Variants in DCDC2C observed in about 807,000 individuals in gnomAD.
DCDC2C encodes doublecortin domain-containing protein 2C.
A neutral mutation model predicts 45.0 loss-of-function variants in DCDC2C; 44 were observed. The observed-to-expected ratio is 0.98, with a 90% CI of 0.77 to 1.26. DCDC2C has a LOEUF of 1.26. Among genes scored for constraint, DCDC2C ranks in the 50% most tolerant of loss-of-function variants. The pLI is 0.00. For synonymous variants in DCDC2C, 187 were observed against 178.8 expected, an observed-to-expected ratio of 1.05 and a Z score of -0.37; for missense variants, 447 against 468.9, an observed-to-expected ratio of 0.95 and a Z score of 0.43.
intron 10 of DCDC2C, among the ~76,000 whole-genome samples, chr2:3,823,984 T>C (rs1671754250): frequency 6.6e-6 from 1 of 152,210 alleles, no homozygotes; most frequent in Non-Finnish European, 1.5e-5. Flanking sequence ...GAAACAGTCA[T>C]AGACAATAAG....
At chr2:3,783,747 G>A (rs369279867) in intron 9 of DCDC2C, among the ~76,000 whole-genome samples, 17 of 152,240 alleles carry the variant, frequency 1.1e-4, no homozygotes, top group African/African-American at 4.1e-4. Flanking sequence ...GTGTGGCCAA[G>A]CAGGAGCTGA....
At chr2:3,748,218 A>G (rs1317360624) in intron 4 of DCDC2C, among the ~76,000 whole-genome samples, 2 of 152,090 alleles carry the variant, frequency 1.3e-5, no homozygotes, top group African/African-American at 2.4e-5. Context: ...GGGGTGGGAT[A>G]GGAGACTTGT....
chr2:3,731,936 G>A (rs993063704), intron 3 of DCDC2C, among the ~76,000 whole-genome samples: 1 of 152,184 alleles, frequency 6.6e-6, no homozygotes, highest in Admixed American at 6.5e-5. Context: ...ATATGTATGA[G>A]TATGATGAGG....
At chr2:3,778,299 A>G (rs1333937628) in intron 8 of DCDC2C, among the ~76,000 whole-genome samples, 1 of 152,214 alleles carries the variant, frequency 6.6e-6, no homozygotes, top group African/African-American at 2.4e-5. Flanking sequence ...TTGGTCCTGG[A>G]GAGTCTTTTC....
chr2:3,767,432 A>G (rs1026323490), intron 6 of DCDC2C, among the ~76,000 whole-genome samples: 2 of 152,140 alleles, frequency 1.3e-5, no homozygotes, highest in Admixed American at 6.5e-5. Context: ...GCCTCCTTTG[A>G]CTTGCTTGTT....
chr2:3,756,281 T>C lies in DCDC2C; in HGVS notation c.726+1647T>C, dbSNP rs142021002. 2.6e-5 allele frequency among the ~76,000 whole-genome samples: 4 copies of C among 152,290 alleles called. No individual in the cohort carries two copies. The East Asian group carries it at 7.7e-4, about 29-fold the overall frequency. On this transcript the variant is annotated intron_variant, in intron 6 of 10. Transcript: ENST00000399143. ...CAAATACTGCCTTTTAGTGGTTCTA[T>C]TGACATTAATATTTATTTGACAAAG...
chr2:3,795,282 G>A (rs943658468), intron 10 of DCDC2C, among the ~76,000 whole-genome samples: 22 of 151,192 alleles, frequency 1.5e-4, no homozygotes, highest in African/African-American at 5.3e-4. Flanking sequence ...TGTCAGATGA[G>A]GAGGTTGCGA....
At chr2:3,754,500 T>G in intron 5 of DCDC2C, 92 bp from the exon 6 acceptor site, 2 of 1,307,206 alleles carry the variant, frequency 1.5e-6, no homozygotes, top group Non-Finnish European at 2.1e-6. Context: ...CGTGGTCACT[T>G]CCCTCCTAAA....
intron 6 of DCDC2C, among the ~76,000 whole-genome samples, chr2:3,760,710 G>A (rs1379310265): frequency 2.0e-5 from 3 of 152,088 alleles, no homozygotes; most frequent in African/African-American, 7.2e-5. Context: ...GAGAGCGTTA[G>A]AACAAATACC....
At chr2:3,759,891 T>C (rs1669831498) in intron 6 of DCDC2C, among the ~76,000 whole-genome samples, 1 of 152,224 alleles carries the variant, frequency 6.6e-6, no homozygotes, top group Admixed American at 6.5e-5. Context: ...ATCTCATTTA[T>C]GTGTGATGAC....
In DCDC2C at chr2:3,746,059, C is replaced by T. The variant is rs530372848; in HGVS notation, c.545+4011C>T. 3.0e-4 allele frequency among the ~76,000 whole-genome samples: 46 copies of T among 152,150 alleles called. No individual in the cohort carries two copies. The East Asian group carries it at 4.3e-3, about 14-fold the overall frequency. On this transcript the variant is annotated intron_variant, in intron 4 of 10. Coordinates refer to ENST00000399143, the MANE Select transcript of DCDC2C (RefSeq NM_001287444.2). ...CTCTGTGCAAGACAATTGCTGATCT[C>T]GGTTGGAAAAAGGCGCTCGTAGAGG...
intron 10 of DCDC2C, among the ~76,000 whole-genome samples, chr2:3,823,587 C>G (rs1341386402): frequency 6.6e-6 from 1 of 152,144 alleles, no homozygotes; most frequent in African/African-American, 2.4e-5. Context: ...TTTCTTTTCT[C>G]AACTCAGTCA....
chr2:3,770,867 G>A (rs79348897), intron 8 of DCDC2C, among the ~76,000 whole-genome samples: 15,409 of 152,206 alleles, frequency 0.1, 1,061 homozygotes, highest in East Asian at 0.3. Flanking sequence ...CGGTTATCCC[G>A]CACTAATGTG....
chr2:3,789,864 T>C (rs1265604439), intron 10 of DCDC2C, among the ~76,000 whole-genome samples: 6 of 152,224 alleles, frequency 3.9e-5, no homozygotes, highest in Non-Finnish European at 1.5e-5. Flanking sequence ...GGAATCATAA[T>C]GACAAGAACA....
At chr2:3,728,469 G>A (rs1295651195) in intron 3 of DCDC2C, among the ~76,000 whole-genome samples, 1 of 152,150 alleles carries the variant, frequency 6.6e-6, no homozygotes, top group Non-Finnish European at 1.5e-5. Flanking sequence ...GGTCCTTCTT[G>A]ACAAAAACGC....
chr2:3,813,485 CT>C (rs1671472636), intron 10 of DCDC2C, among the ~76,000 whole-genome samples: 1 of 152,050 alleles, frequency 6.6e-6, no homozygotes, highest in African/African-American at 2.4e-5. Flanking sequence ...TCTCGTTGAT[CT>C]GTTTAATACT....
At chr2:3,750,080 C>T (rs1374188254) in intron 4 of DCDC2C, among the ~76,000 whole-genome samples, 2 of 151,792 alleles carry the variant, frequency 1.3e-5, no homozygotes, top group African/African-American at 4.8e-5. Flanking sequence ...GCTCGGCACC[C>T]AGAATCCCCG....
In DCDC2C at chr2:3,725,662, T is replaced by A. The variant is rs878927298; in HGVS notation, c.340-1341T>A. Among the ~76,000 whole-genome samples the A allele has an allele frequency of 2.5e-4, 30 of 118,422 alleles. 1 individual carries two copies. Among genetic ancestry groups the A allele is most frequent in the African/African-American group, 7.6e-4 (22 of 28,930 alleles). 77.7% of individuals were successfully genotyped at this position (118,422 alleles called of 152,430 possible). On this transcript the variant is annotated intron_variant, in intron 2 of 10. Coordinates refer to ENST00000399143, the MANE Select transcript of DCDC2C (RefSeq NM_001287444.2). ...TGGCCAGGTGGATCCCGGAGGGAGA[T>A]GAGCAGAGAGTGAGGAGGCTGCCAG...
At chr2:3,795,188 C>G (rs1253869792) in intron 10 of DCDC2C, among the ~76,000 whole-genome samples, 2 of 151,936 alleles carry the variant, frequency 1.3e-5, no homozygotes, top group Non-Finnish European at 2.9e-5. Flanking sequence ...TGTTTATGTC[C>G]TTCGCCCACT....
Sources: allele counts gnomAD v4.1 joint callset (sites outside exome capture counted in the v4.1 genomes callset), GRCh38; gene constraint gnomAD v4.1.1; transcripts MANE v1.5; gene names NCBI Gene and HGNC (gene_info 2026-07-23, HGNC 2026-07-21).